MACROD2: variants seen among roughly 807,000 people sequenced by gnomAD.
The protein encoded by MACROD2 is ADP-ribose glycohydrolase MACROD2.
A neutral mutation model predicts 70.4 loss-of-function variants in MACROD2; 36 were observed. The ratio of observed to expected loss-of-function variants is 0.51; its 90% CI spans 0.39 to 0.68. The LOEUF is 0.68. MACROD2 is among the 30% of genes least tolerant of loss of function. The pLI is 0.00. For missense variants in MACROD2, 496 were observed against 538.4 expected, an observed-to-expected ratio of 0.92 and a Z score of 0.78; for synonymous variants, 172 against 178.8, an observed-to-expected ratio of 0.96 and a Z score of 0.30.
intron 3 of MACROD2, among the ~76,000 whole-genome samples, chr20:14,417,066 C>CTATCATCTATCT (rs1555789653): frequency 1.4e-4 from 18 of 132,604 alleles, no homozygotes; most frequent in African/African-American, 3.8e-4. Flanking sequence ...ATCTATCTAT[C>CTATCATCTATCT]ATCTATCTAT....
intron 4 of MACROD2, among the ~76,000 whole-genome samples, chr20:14,542,190 T>C (rs2123236102): frequency 6.6e-6 from 1 of 152,322 alleles, no homozygotes; most frequent in South Asian, 2.1e-4. Context: ...CTTTTGTCTT[T>C]CCCTCACCGC....
chr20:15,247,257 A>G (rs541995911), intron 6 of MACROD2, among the ~76,000 whole-genome samples: 1 of 152,220 alleles, frequency 6.6e-6, no homozygotes, highest in Admixed American at 6.5e-5. Context: ...TGTTGTAGGA[A>G]TGAAATAGAA....
At chr20:15,225,220 A>T (rs959564970) in intron 5 of MACROD2, among the ~76,000 whole-genome samples, 1 of 152,136 alleles carries the variant, frequency 6.6e-6, no homozygotes, top group African/African-American at 2.4e-5. Flanking sequence ...AAATTCCTTG[A>T]AATTATATCT....
At chr20:14,222,840 A>G (rs2081691762) in intron 3 of MACROD2, among the ~76,000 whole-genome samples, 2 of 121,870 alleles carry the variant, frequency 1.6e-5, no homozygotes, top group East Asian at 2.4e-4. Context: ...AAAAAAAAAA[A>G]AAGAATTGAG....
At chr20:14,869,168 G>T (rs1169596891) in intron 5 of MACROD2, among the ~76,000 whole-genome samples, 1 of 152,108 alleles carries the variant, frequency 6.6e-6, no homozygotes, top group African/African-American at 2.4e-5. Context: ...TTTAATACAT[G>T]TATATTTATA....
At position 14,999,060 on chromosome 20, in the gene MACROD2, G is replaced by C. The variant is rs1054186794; in HGVS notation, c.419-230880G>C. Among the ~76,000 whole-genome samples the C allele has an allele frequency of 6.9e-4, 105 of 152,164 alleles. 1 individual carries two copies. The highest frequency in any genetic ancestry group is 2.2e-4 in the Non-Finnish European group (15 of 68,028). Reference sequence around the variant, plus strand: ...GTGAAAATATCCTTCAAACATGAAGGAGAAATAAAGACTTTCCCAAACAAA... The same window carrying C: ...GTGAAAATATCCTTCAAACATGAAGCAGAAATAAAGACTTTCCCAAACAAA... On this transcript the variant is annotated intron_variant, in intron 5 of 17. Coordinates refer to ENST00000684519, the MANE Select transcript of MACROD2 (RefSeq NM_001351661.2).
chr20:14,888,756 G>A (rs1210293867), intron 5 of MACROD2: 1 of 152,106 alleles, frequency 6.6e-6, no homozygotes, highest in African/African-American at 2.4e-5. Context: ...TTGCGCTTAA[G>A]TTTTAAAGAA....
intron 3 of MACROD2, among the ~76,000 whole-genome samples, chr20:14,491,050 AATT>A (rs969820954): frequency 1.3e-4 from 20 of 152,256 alleles, no homozygotes; most frequent in African/African-American, 4.8e-4. Context: ...GTAGAAACTA[AATT>A]ATTATTAATT....
intron 15 of MACROD2, among the ~76,000 whole-genome samples, chr20:15,996,047 G>A (rs111474263): frequency 6.6e-6 from 1 of 152,002 alleles, no homozygotes; most frequent in East Asian, 1.9e-4. Flanking sequence ...GGATCATTTG[G>A]TAATTCTATT....
chr20:15,976,880 C>T (rs531446909), intron 13 of MACROD2, among the ~76,000 whole-genome samples: 10 of 152,192 alleles, frequency 6.6e-5, no homozygotes, highest in African/African-American at 2.2e-4. Flanking sequence ...GCACTTTATC[C>T]TCAAAGTGAA....
At chr20:14,937,171 C>G (rs1357463902) in intron 5 of MACROD2, among the ~76,000 whole-genome samples, 1 of 151,844 alleles carries the variant, frequency 6.6e-6, no homozygotes, top group African/African-American at 2.4e-5. Context: ...GAGTAGGACT[C>G]TGACATGGAA....
chr20:14,782,025 G>A (rs2072308286), intron 5 of MACROD2, among the ~76,000 whole-genome samples: 1 of 151,912 alleles, frequency 6.6e-6, no homozygotes, highest in Non-Finnish European at 1.5e-5. Context: ...CCGGGTTCAA[G>A]TGATCCTCCC....
chr20:14,553,769 A>T lies in MACROD2; in HGVS notation c.301+60261A>T, dbSNP rs115214833. ...AGAAGTGGAATTTAGAGTCATGGGA[A>T]GCTGGATAATGACCATCAAAGTTGG... On this transcript the variant is annotated intron_variant, in intron 4 of 17. Coordinates refer to ENST00000684519, the MANE Select transcript of MACROD2 (RefSeq NM_001351661.2). 6.7e-3 allele frequency among the ~76,000 whole-genome samples: 1,024 copies of T among 152,318 alleles called. 13 individuals carry two copies. The highest frequency in any genetic ancestry group is 0.024 in the African/African-American group (995 of 41,588).
chr20:14,411,498 G>A (rs1361297359), intron 3 of MACROD2, among the ~76,000 whole-genome samples: 1 of 151,920 alleles, frequency 6.6e-6, no homozygotes. Context: ...AATGCTGTTG[G>A]GTATGTTAGA....
chr20:15,873,997 G>A (rs1265331833), intron 9 of MACROD2, among the ~76,000 whole-genome samples: 1 of 152,044 alleles, frequency 6.6e-6, no homozygotes, highest in Non-Finnish European at 1.5e-5. Context: ...CATGTGCCAT[G>A]TTGGTTTGCT....
intron 5 of MACROD2, among the ~76,000 whole-genome samples, chr20:14,835,678 C>G (rs899607060): frequency 6.6e-6 from 1 of 152,006 alleles, no homozygotes; most frequent in African/African-American, 2.4e-5. Flanking sequence ...GATACTGGAC[C>G]AGAGCAATTT....
chr20:13,996,739 C>A (rs1314806212), intron 1 of MACROD2, among the ~76,000 whole-genome samples: 1 of 152,034 alleles, frequency 6.6e-6, no homozygotes, highest in Admixed American at 6.6e-5. Flanking sequence ...CTTTTCACAC[C>A]TCTTTCCTTT....
chr20:14,042,478 C>T (rs1246479188), intron 2 of MACROD2, among the ~76,000 whole-genome samples: 1 of 152,138 alleles, frequency 6.6e-6, no homozygotes, highest in Non-Finnish European at 1.5e-5. Flanking sequence ...TCTGCAGACA[C>T]CAGCTAGTGT....
chr20:15,367,113 C>T (rs1246570847), intron 6 of MACROD2, among the ~76,000 whole-genome samples: 7 of 151,208 alleles, frequency 4.6e-5, no homozygotes, highest in South Asian at 4.2e-4. Context: ...CTGTAACCTC[C>T]GCCTCTTTGG....
Sources: allele counts gnomAD v4.1 joint callset (sites outside exome capture counted in the v4.1 genomes callset), GRCh38; gene constraint gnomAD v4.1.1; transcripts MANE v1.5; gene names NCBI Gene and HGNC (gene_info 2026-07-23, HGNC 2026-07-21).